Variants in SHANK2 observed in about 807,000 individuals in gnomAD.
SHANK2 encodes the protein SH3 and multiple ankyrin repeat domains 2.
A neutral mutation model predicts 133.7 loss-of-function variants in SHANK2; 43 were observed. The ratio of observed to expected loss-of-function variants is 0.32; its 90% CI spans 0.25 to 0.41. SHANK2 has a LOEUF of 0.41. Ranked by LOEUF, SHANK2 falls within the 10% of genes least tolerant of loss-of-function variation. The pLI, the probability that SHANK2 is intolerant of heterozygous loss-of-function variation, is 1.00. For synonymous variants in SHANK2, 1,017 were observed against 952.8 expected (o/e 1.07, Z -1.24); for missense variants, 1,994 against 2,235.8 (o/e 0.89, Z 2.18).
chr11:70,840,805 T>C (rs1948891455), intron 11 of SHANK2, among the ~76,000 whole-genome samples: 1 of 152,002 alleles, frequency 6.6e-6, no homozygotes, highest in Non-Finnish European at 1.5e-5. Context: ...GGAACTGCAG[T>C]GGGGGTTCTC....
chr11:70,472,630 A>C lies in SHANK2; in HGVS notation c.*239T>G. 1 of 564,768 alleles carries C rather than the reference A, an allele frequency of 1.8e-6. No individual in the cohort carries two copies. Among genetic ancestry groups the C allele is most frequent in the South Asian group, 2.1e-5 (1 of 48,714 alleles). 35.0% of individuals were successfully genotyped at this position (564,768 alleles called of 1,614,324 possible). On this transcript the variant is annotated 3_prime_UTR_variant, in exon 26 of 26. Transcript: ENST00000601538. This position sits in a 1 kb window ranked among gnomAD's most constrained non-coding sequence, Gnocchi z 4.4. ...GCTGAGAATCTTTTTCCATGTTAGAAAAACTCCCTCCCCTTGTCCCATGTG... is the reference window on the plus strand; with the variant it reads ...GCTGAGAATCTTTTTCCATGTTAGACAAACTCCCTCCCCTTGTCCCATGTG...
intron 10 of SHANK2, among the ~76,000 whole-genome samples, chr11:70,906,461 C>T (rs1484128111): frequency 6.6e-6 from 1 of 152,184 alleles, no homozygotes; most frequent in Non-Finnish European, 1.5e-5. Context: ...CTGGGATCCA[C>T]AGCCAGAACT....
At chr11:70,599,887 GAAAA>G (rs59024354) in intron 17 of SHANK2, among the ~76,000 whole-genome samples, 3,687 of 41,170 alleles carry the variant, frequency 0.09, 296 homozygotes, top group East Asian at 0.17. Flanking sequence ...AAGAAAGAAA[GAAAA>G]AGAAAGAAAG....
intron 2 of SHANK2, among the ~76,000 whole-genome samples, chr11:71,193,078 T>C (rs914025129): frequency 3.3e-5 from 5 of 152,216 alleles, no homozygotes; most frequent in African/African-American, 9.6e-5. Context: ...CCTCTCTTTA[T>C]TGCCATGTTA....
In SHANK2 at chr11:71,163,093, A is replaced by AAAACAT; in HGVS notation, c.-12-15756_-12-15755insATGTTT. On this transcript the variant is annotated intron_variant, in intron 2 of 25. Coordinates refer to ENST00000601538, the MANE Select transcript of SHANK2 (RefSeq NM_012309.5). ...GTCTAAAAAAAAAAAAAAAAAAAAA[A>AAAACAT]ATACATATATATATATATACAGAAT... 9.6e-4 allele frequency among the ~76,000 whole-genome samples: 81 copies of AAAACAT among 84,690 alleles called. 5 individuals carry two copies. The highest frequency in any genetic ancestry group is 6.0e-3 in the Middle Eastern group (1 of 168). The allele number at this position is 84,690 out of a possible 152,430, so 55.6% of individuals were successfully genotyped here. A position where few individuals can be genotyped will look rare whatever the true frequency, so the allele number is the denominator to read the frequency against.
At chr11:70,636,533 G>A (rs1006202006) in intron 17 of SHANK2, among the ~76,000 whole-genome samples, 2 of 149,158 alleles carry the variant, frequency 1.3e-5, no homozygotes, top group Non-Finnish European at 3.0e-5. Flanking sequence ...GAATATGTGT[G>A]AGCATGTGTG....
At chr11:71,067,066 C>A (rs1397519176) in intron 9 of SHANK2, among the ~76,000 whole-genome samples, 1 of 152,190 alleles carries the variant, frequency 6.6e-6, no homozygotes, top group Non-Finnish European at 1.5e-5. Context: ...GAAAGCCAAC[C>A]AAGCCAGCCA....
At chr11:70,884,782 G>A (rs536609164) in intron 11 of SHANK2, among the ~76,000 whole-genome samples, 1 of 152,306 alleles carries the variant, frequency 6.6e-6, no homozygotes, top group South Asian at 2.1e-4. Flanking sequence ...GTGCAATGGC[G>A]CGATTTCGGC....
intron 3 of SHANK2, among the ~76,000 whole-genome samples, chr11:71,131,199 G>C (rs1160846941): frequency 1.3e-5 from 2 of 152,196 alleles, no homozygotes; most frequent in Admixed American, 1.3e-4. Context: ...TTATCCAAAT[G>C]AAATAATACT....
At chr11:70,499,386 C>G (rs2135804689) in intron 21 of SHANK2, among the ~76,000 whole-genome samples, 1 of 152,304 alleles carries the variant, frequency 6.6e-6, no homozygotes, top group South Asian at 2.1e-4. Flanking sequence ...CTGATGCCAC[C>G]CTGGGGGAGG....
intron 14 of SHANK2, among the ~76,000 whole-genome samples, chr11:70,744,053 G>A (rs1946587826): frequency 6.6e-6 from 1 of 152,196 alleles, no homozygotes; most frequent in Admixed American, 6.5e-5. Context: ...GGCATCCCGG[G>A]CCACACTTCA....
intron 17 of SHANK2, among the ~76,000 whole-genome samples, chr11:70,608,793 C>T (rs1348138265): frequency 6.6e-6 from 1 of 152,234 alleles, no homozygotes; most frequent in African/African-American, 2.4e-5. Flanking sequence ...GAATTGATCT[C>T]AAATTACAAA....
At chr11:70,711,585 G>A (rs1041778351) in intron 14 of SHANK2, among the ~76,000 whole-genome samples, 2 of 152,228 alleles carry the variant, frequency 1.3e-5, no homozygotes, top group East Asian at 1.9e-4. Flanking sequence ...GAGCCAGCAC[G>A]CCCGCCCGGC....
chr11:70,612,859 C>T (rs782052485), intron 17 of SHANK2, among the ~76,000 whole-genome samples: 5 of 151,854 alleles, frequency 3.3e-5, no homozygotes, highest in African/African-American at 1.2e-4. Flanking sequence ...GTGGCCTCCA[C>T]GTTCCCCTCC....
chr11:70,742,996 A>G (rs1946561666), intron 14 of SHANK2, among the ~76,000 whole-genome samples: 1 of 152,242 alleles, frequency 6.6e-6, no homozygotes. Flanking sequence ...AGCTTCGTGC[A>G]TATTTTGCTG....
intron 14 of SHANK2, among the ~76,000 whole-genome samples, chr11:70,755,563 C>G (rs963934273): frequency 7.2e-5 from 11 of 152,250 alleles, no homozygotes; most frequent in African/African-American, 2.4e-4. Context: ...CCGGCCCCGG[C>G]CTGCAGTGGT....
In SHANK2 at chr11:70,651,461, G is replaced by A. The variant is rs116857228; in HGVS notation, c.2061+8367C>T. Among the ~76,000 whole-genome samples the A allele has an allele frequency of 5.2e-3, 799 of 152,238 alleles. 9 individuals are homozygous for A. The highest frequency in any genetic ancestry group is 0.018 in the African/African-American group (765 of 41,544). On this transcript the variant is annotated intron_variant, in intron 17 of 25. Transcript: ENST00000601538. The stretch of plus-strand genomic sequence containing the variant: ...TGCAGAAAAGGGATCCAACCTCCCC[G>A]CCATCCAGGGCTCCCCACAGAGCAG...
At chr11:70,660,138 G>A (rs1443463108) in intron 16 of SHANK2, among the ~76,000 whole-genome samples, 186 bp from the exon 17 acceptor site, 1 of 152,184 alleles carries the variant, frequency 6.6e-6, no homozygotes, top group Non-Finnish European at 1.5e-5. Flanking sequence ...TGCAACTCAA[G>A]CAATGAAGTC....
rs782338107 is a variant in SHANK2 at position 71,118,881 on chromosome 11, C to T, written c.359G>A (p.Arg120Gln). 30 of 1,551,626 alleles carry T rather than the reference C, an allele frequency of 1.9e-5. No individual in the cohort carries two copies. The highest frequency in any genetic ancestry group is 1.2e-4 in the East Asian group (5 of 40,924). Residue 120 changes from arginine (R) to glutamine (Q), a missense_variant, in exon 4 of 26, where the codon CGG becomes CAG. This residue lies in a region of SHANK2 where 653 missense variants were observed against 563.4 expected (regional missense o/e 1.16). Coordinates refer to ENST00000601538, the MANE Select transcript of SHANK2 (RefSeq NM_012309.5). The part of the protein sequence containing the change: ...GRDGKFLDEE[R>Q]LLREYPQPVG... ...GGGCTGTGGGTACTCGCGCAGGAGC[C>T]GCTCCTCATCCAGGAACTTGCCGTC...
Sources: allele counts gnomAD v4.1 joint callset (sites outside exome capture counted in the v4.1 genomes callset), GRCh38; gene constraint gnomAD v4.1.1; regional missense constraint gnomAD v4.1.1; non-coding constraint Gnocchi (gnomAD v3.1); transcripts MANE v1.5; gene names NCBI Gene and HGNC (gene_info 2026-07-23, HGNC 2026-07-21).